The following DLGAP2 variants were observed in gnomAD, a reference collection of about 807,000 sequenced individuals.
DLGAP2 encodes disks large-associated protein 2.
Under a neutral mutation model 100.3 loss-of-function variants are expected in DLGAP2, and 26 were observed. That is an observed-to-expected ratio of 0.26 (90% CI 0.19 to 0.36). The LOEUF is 0.36. DLGAP2 is among the 10% of genes least tolerant of loss of function. DLGAP2 has a pLI of 1.00. For missense variants in DLGAP2, 1,858 were observed against 1,453.2 expected (o/e 1.28, Z -4.53); for synonymous variants, 886 against 630.1 (o/e 1.41, Z -6.08).
intron 2 of DLGAP2, among the ~76,000 whole-genome samples, chr8:1,184,818 C>A (rs945702033): frequency 2.6e-5 from 4 of 152,180 alleles, no homozygotes; most frequent in Non-Finnish European, 2.9e-5. Flanking sequence ...GCTAAGTGCT[C>A]TGCGCACGTT....
At chr8:1,264,289 T>C (rs1799408689) in intron 3 of DLGAP2, among the ~76,000 whole-genome samples, 2 of 152,074 alleles carry the variant, frequency 1.3e-5, no homozygotes. Flanking sequence ...GGGATGGGGC[T>C]GGGGTTGCGG....
At chr8:1,582,313 TAA>T (rs200930388) in intron 6 of DLGAP2, among the ~76,000 whole-genome samples, 11,220 of 96,742 alleles carry the variant, frequency 0.12, 1,384 homozygotes, top group African/African-American at 0.27. Flanking sequence ...GATAAAACCT[TAA>T]AAAAAAAAAA....
At chr8:1,682,806 A>G (rs1291235323) in intron 12 of DLGAP2, among the ~76,000 whole-genome samples, 3 of 151,674 alleles carry the variant, frequency 2.0e-5, no homozygotes, top group Non-Finnish European at 3.0e-5. Flanking sequence ...CACTTACCTT[A>G]TTATTAGGCA....
At chr8:1,380,209 G>A (rs892221915) in intron 3 of DLGAP2, 5 of 152,180 alleles carry the variant, frequency 3.3e-5, no homozygotes, top group Admixed American at 6.5e-5. Context: ...GCAAAAGGGT[G>A]TCTCTCAGCA....
intron 2 of DLGAP2, among the ~76,000 whole-genome samples, chr8:1,012,640 C>G (rs1445851405): frequency 7.5e-6 from 1 of 133,176 alleles, no homozygotes; most frequent in South Asian, 2.8e-4. Context: ...AGTGTGGACA[C>G]CGTCCGACCA....
intron 2 of DLGAP2, among the ~76,000 whole-genome samples, chr8:1,144,136 G>A (rs1450510348): frequency 3.9e-5 from 6 of 152,228 alleles, no homozygotes; most frequent in Non-Finnish European, 8.8e-5. Context: ...GGGAGTCACG[G>A]AAGAATAAAG....
intron 5 of DLGAP2, among the ~76,000 whole-genome samples, chr8:1,556,051 T>C (rs1801953502): frequency 6.6e-6 from 1 of 152,210 alleles, no homozygotes; most frequent in Admixed American, 6.5e-5. Context: ...TAACTCAAGA[T>C]GGTCGTGGAT....
chr8:1,664,065 A>C (rs1375678501), intron 8 of DLGAP2, among the ~76,000 whole-genome samples: 1 of 152,178 alleles, frequency 6.6e-6, no homozygotes, highest in East Asian at 1.9e-4. Flanking sequence ...ATCCACTGAT[A>C]CCAAACCCTC....
chr8:1,285,493 G>C (rs917327497), intron 3 of DLGAP2, among the ~76,000 whole-genome samples: 1 of 152,154 alleles, frequency 6.6e-6, no homozygotes, highest in African/African-American at 2.4e-5. Context: ...AGGCCTGTCT[G>C]GATTCTGTTG....
At chr8:997,457 A>G (rs1239670327) in intron 2 of DLGAP2, among the ~76,000 whole-genome samples, 1 of 152,200 alleles carries the variant, frequency 6.6e-6, no homozygotes, top group South Asian at 2.1e-4. Context: ...GAAGACAACA[A>G]CTGATCACAA....
At chr8:1,216,291 T>A (rs17065842) in intron 2 of DLGAP2, among the ~76,000 whole-genome samples, 25,091 of 152,092 alleles carry the variant, frequency 0.16, 2,234 homozygotes, top group East Asian at 0.27. Flanking sequence ...GTCAACTTCA[T>A]ACAGGGGCTC....
chr8:1,365,646 C>T (rs2129680569), intron 3 of DLGAP2, among the ~76,000 whole-genome samples: 1 of 152,306 alleles, frequency 6.6e-6, no homozygotes, highest in East Asian at 1.9e-4. Flanking sequence ...TCTCCAAAAC[C>T]AAGCATCCAA....
intron 3 of DLGAP2, among the ~76,000 whole-genome samples, chr8:1,422,278 A>T (rs1049728746): frequency 6.6e-6 from 1 of 152,200 alleles, no homozygotes; most frequent in African/African-American, 2.4e-5. Flanking sequence ...CCAGGGATAG[A>T]AAAATGTCAT....
At position 801,189 on chromosome 8, in the gene DLGAP2, T is replaced by A. The variant is rs537084371; in HGVS notation, c.18+63364T>A. ...CACAGAGTACTGGGTGCACCTTCCGTGGTTGACACGCAGAGTGGCAAGCAG... is the reference window on the plus strand; with the variant it reads ...CACAGAGTACTGGGTGCACCTTCCGAGGTTGACACGCAGAGTGGCAAGCAG... On this transcript the variant is annotated intron_variant, in intron 1 of 14. Coordinates refer to ENST00000637795, the MANE Select transcript of DLGAP2 (RefSeq NM_001346810.2). Among the ~76,000 whole-genome samples, 8 of 152,338 alleles carry A rather than the reference T, an allele frequency of 5.3e-5. No homozygotes were observed. The East Asian group carries it at 1.5e-3, about 29-fold the overall frequency.
chr8:1,266,881 G>A (rs1040647844), intron 3 of DLGAP2, among the ~76,000 whole-genome samples: 36 of 152,168 alleles, frequency 2.4e-4, no homozygotes, highest in Non-Finnish European at 1.3e-4. Context: ...TCATTAATGC[G>A]TTATCCCAGC....
chr8:1,166,048 G>T (rs1228479058), intron 2 of DLGAP2, among the ~76,000 whole-genome samples: 1 of 152,166 alleles, frequency 6.6e-6, no homozygotes, highest in Non-Finnish European at 1.5e-5. Flanking sequence ...TAACCCATGG[G>T]TGCTCTTTGC....
chr8:1,485,302 A>AT lies in DLGAP2; in HGVS notation c.107-16058dup, dbSNP rs889446412. Among the ~76,000 whole-genome samples, 174 of 152,310 alleles carry AT rather than the reference A, an allele frequency of 1.1e-3. 1 individual carries two copies. Among genetic ancestry groups the AT allele is most frequent in the African/African-American group, 4.1e-3 (171 of 41,562 alleles). Reference sequence around the variant, plus strand: ...GTAAAATGCAGCTAATGAATTGCAGATTTTTTCATATCATTTTTCCACCTA... The same window carrying AT: ...GTAAAATGCAGCTAATGAATTGCAGATTTTTTTCATATCATTTTTCCACCTA... On this transcript the variant is annotated intron_variant, in intron 3 of 14. Coordinates refer to ENST00000637795, the MANE Select transcript of DLGAP2 (RefSeq NM_001346810.2).
intron 2 of DLGAP2, among the ~76,000 whole-genome samples, chr8:1,191,315 C>T (rs1269328651): frequency 3.3e-5 from 5 of 151,744 alleles, no homozygotes; most frequent in African/African-American, 9.7e-5. Flanking sequence ...GGACTACAGG[C>T]ACCCGCCACC....
intron 8 of DLGAP2, among the ~76,000 whole-genome samples, chr8:1,644,014 G>C (rs796150419): frequency 5.1e-5 from 2 of 39,386 alleles, no homozygotes; most frequent in African/African-American, 1.3e-4. Flanking sequence ...TGTCACCCTC[G>C]ACCCCGCCGG....
Sources: allele counts gnomAD v4.1 joint callset (sites outside exome capture counted in the v4.1 genomes callset), GRCh38; gene constraint gnomAD v4.1.1; transcripts MANE v1.5; gene names NCBI Gene and HGNC (gene_info 2026-07-23, HGNC 2026-07-21).